Variants in JAK2 observed in about 807,000 individuals in gnomAD.
The protein encoded by JAK2 is tyrosine-protein kinase JAK2.
In JAK2, 86 loss-of-function variants were observed where a neutral mutation model predicts 139.3. The ratio of observed to expected loss-of-function variants is 0.62; its 90% CI spans 0.52 to 0.74. The LOEUF is 0.74. JAK2 is among the 30% of genes least tolerant of loss of function. The pLI is 0.00. For missense variants in JAK2, 1,421 were observed against 1,360.3 expected (o/e 1.04, Z -0.70); for synonymous variants, 490 against 437.7 (o/e 1.12, Z -1.49).
rs183335132 is a variant in JAK2 at position 5,099,464 on chromosome 9, T to G, written c.3059+8553T>G. 4.1e-3 allele frequency: 627 copies of G among 152,358 alleles called. 5 individuals carry two copies. The highest frequency in any genetic ancestry group is 0.014 in the African/African-American group (602 of 41,588). The allele number at this position is 152,358 out of a possible 1,614,324, so 9.4% of individuals were successfully genotyped here. ...TATCCTGTCAATAATCATAACTTTA[T>G]TCTCCATTATTCAGTTAAAATTATT... On this transcript the variant is annotated intron_variant, in intron 22 of 24. Transcript: ENST00000381652.
rs867388132 is a variant in JAK2, at chr9:5,038,602, T to A, written c.351-5801T>A. Among the ~76,000 whole-genome samples the A allele has an allele frequency of 4.6e-3, 698 of 151,968 alleles. 5 individuals carry two copies. Among genetic ancestry groups the A allele is most frequent in the African/African-American group, 0.016 (657 of 41,506 alleles). The stretch of plus-strand genomic sequence containing the variant: ...GAAGTGTTTTGGATTTTAGATTTTT[T>A]TTTTTTTTTTTGGATTTTAGAATAT... On this transcript the variant is annotated intron_variant, in intron 4 of 24. Transcript: ENST00000381652.
intron 23 of JAK2, among the ~76,000 whole-genome samples, chr9:5,123,957 G>T (rs183609532): frequency 1.3e-5 from 2 of 150,996 alleles, no homozygotes; most frequent in East Asian, 1.9e-4. Flanking sequence ...CATTTCTCTG[G>T]TGATTAGTGA....
chr9:5,008,235 A>G (rs928354401), intron 2 of JAK2, among the ~76,000 whole-genome samples: 10 of 152,118 alleles, frequency 6.6e-5, no homozygotes, highest in African/African-American at 2.4e-4. Context: ...TCCATTGTTT[A>G]TGTTTTGAAT....
At chr9:5,110,896 C>T (rs1020892758) in intron 22 of JAK2, 5 of 544,814 alleles carry the variant, frequency 9.2e-6, no homozygotes, top group East Asian at 9.1e-5. Flanking sequence ...CTGAGATGCC[C>T]GCTCTGGCCC....
At chr9:5,017,750 G>T (rs1452415565) in intron 2 of JAK2, among the ~76,000 whole-genome samples, 1 of 152,202 alleles carries the variant, frequency 6.6e-6, no homozygotes, top group Non-Finnish European at 1.5e-5. Context: ...TCCAGTTGCA[G>T]ATGAACTTCA....
At chr9:4,987,926 G>A (rs1820052283) in intron 2 of JAK2, among the ~76,000 whole-genome samples, 1 of 152,142 alleles carries the variant, frequency 6.6e-6, no homozygotes, top group South Asian at 2.1e-4. Flanking sequence ...CAGAATGACT[G>A]CATAAGGTGA....
chr9:5,042,048 G>C (rs542578353), intron 4 of JAK2: 1 of 287,614 alleles, frequency 3.5e-6, no homozygotes, highest in African/African-American at 2.3e-5. Context: ...CCAGGACACA[G>C]ACTGCAGGGT....
chr9:5,021,686 G>T (rs1217896506), intron 2 of JAK2, among the ~76,000 whole-genome samples: 1 of 152,090 alleles, frequency 6.6e-6, no homozygotes, highest in African/African-American at 2.4e-5. Flanking sequence ...GAGTGCGGTG[G>T]AGTGCGGAGG....
intron 9 of JAK2, 117 bp downstream of exon 9, chr9:5,065,157 T>A (rs1818480295): frequency 1.2e-5 from 7 of 571,122 alleles, no homozygotes; most frequent in Non-Finnish European, 1.7e-5. Context: ...AAGTTTTTTT[T>A]AAACAAAAGG....
chr9:5,123,143 T>C, intron 23 of JAK2, 22 bp downstream of exon 23: 1 of 1,479,672 alleles, frequency 6.8e-7, no homozygotes, highest in Non-Finnish European at 9.3e-7. Flanking sequence ...TTTTATTTAC[T>C]TTCAGTTTTT....
intron 6 of JAK2, among the ~76,000 whole-genome samples, chr9:5,053,222 C>T (rs2130396076): frequency 6.6e-6 from 1 of 152,170 alleles, no homozygotes; most frequent in Admixed American, 6.5e-5. Context: ...TCTCTAATGA[C>T]TACTGATGTT....
At chr9:5,075,779 T>A (rs58818857) in intron 14 of JAK2, among the ~76,000 whole-genome samples, 176 of 152,292 alleles carry the variant, frequency 1.2e-3, no homozygotes, top group African/African-American at 4.1e-3. Context: ...CAAGTCTTAT[T>A]ATCTAAGAAA....
At chr9:5,112,835 G>A (rs1822743958) in intron 22 of JAK2, 2 of 560,466 alleles carry the variant, frequency 3.6e-6, no homozygotes, top group Non-Finnish European at 5.7e-6. Context: ...CCACAACCCC[G>A]CTGGGCACGT....
At chr9:5,106,892 C>T (rs1451531933) in intron 22 of JAK2, among the ~76,000 whole-genome samples, 2 of 151,630 alleles carry the variant, frequency 1.3e-5, no homozygotes, top group African/African-American at 4.8e-5. Flanking sequence ...CACAAAGGGG[C>T]CCGGGGGAGG....
At chr9:4,984,923 G>A (rs1819854649), upstream of JAK2, 1 of 152,322 alleles carries the variant, frequency 6.6e-6, no homozygotes, top group Admixed American at 6.5e-5. Context: ...CACGCCCAGG[G>A]GCCGTCCCAG....
rs1243262815 is a variant in JAK2 at position 5,054,860 on chromosome 9, A to G, written c.912A>G (p.Lys304=). The change falls in exon 7 of 25, where the codon AAA becomes AAG. Residue 304 remains lysine, a synonymous_variant. Transcript: ENST00000381652. This position sits in a 1 kb window ranked among gnomAD's most constrained non-coding sequence, Gnocchi z 4.9. ...GGIQWSRGKH[K]ESETLTEQDL... ...TTCAGTGGTCAAGAGGGAAACATAAAGAAAGTGAGACACTGACAGAACAGG... is the reference window on the plus strand; with the variant it reads ...TTCAGTGGTCAAGAGGGAAACATAAGGAAAGTGAGACACTGACAGAACAGG... 2 of 1,606,394 alleles carry G rather than the reference A, an allele frequency of 1.2e-6. No homozygotes were observed. Among genetic ancestry groups the G allele is most frequent in the Admixed American group, 3.4e-5 (2 of 58,438 alleles).
chr9:5,081,725 A>G lies in JAK2; in HGVS notation c.2435A>G (p.Asp812Gly). 6.3e-7 allele frequency: 1 copy of G among 1,586,370 alleles called. No individual in the cohort carries two copies. Among genetic ancestry groups the G allele is most frequent in the Non-Finnish European group, 8.7e-7 (1 of 1,155,518 alleles). ...GTGATAATATTCTTTATTTCTCCAG[A>G]TTATGAACTATTAACAGAAAATGAC... Reference protein sequence around the residue: ...IRDLNSLFTPDYELLTENDML... With the variant: ...IRDLNSLFTPGYELLTENDML... Residue 812 changes from aspartate to glycine, a missense_variant and splice_region_variant, in exon 19 of 25, where the codon GAT becomes GGT. Asp to Gly is a moderately conservative substitution (Grantham distance 94). Transcript: ENST00000381652.
chr9:5,027,859 T>G (rs2130132582), intron 3 of JAK2, among the ~76,000 whole-genome samples: 1 of 152,338 alleles, frequency 6.6e-6, no homozygotes, highest in African/African-American at 2.4e-5. Context: ...CAGTCACGTC[T>G]TCAAGCTCCA....
intron 22 of JAK2, chr9:5,112,658 A>AT: frequency 1.0e-6 from 1 of 972,928 alleles, no homozygotes; most frequent in South Asian, 2.6e-5. Context: ...CAAACTCCTT[A>AT]TCCTGCACCA....
Sources: gnomAD v4.1 joint callset for allele counts (sites outside exome capture counted in the v4.1 genomes callset) on GRCh38, gnomAD v4.1.1 for gene constraint, Gnocchi (gnomAD v3.1) non-coding constraint, MANE v1.5 for transcripts, NCBI Gene and HGNC (gene_info 2026-07-23, HGNC 2026-07-21) for gene names.